BLK: variants seen among roughly 807,000 people sequenced by gnomAD.
BLK encodes BLK proto-oncogene, Src family tyrosine kinase.
BLK carries 64 observed loss-of-function variants against 61.8 expected under a neutral mutation model. The ratio of observed to expected loss-of-function variants is 1.03; its 90% CI spans 0.85 to 1.27. The LOEUF (loss-of-function observed/expected upper bound fraction) is 1.27. BLK is among the 50% of genes most tolerant of loss of function. The pLI, the probability that BLK is intolerant of heterozygous loss-of-function variation, is 0.00. For missense variants in BLK, 853 were observed against 660.5 expected, an observed-to-expected ratio of 1.29 and a Z score of -3.19; for synonymous variants, 351 against 272.0, an observed-to-expected ratio of 1.29 and a Z score of -2.86.
chr8:11,554,895 A>AG lies in BLK; in HGVS notation c.619+11dup. The AG allele has an allele frequency of 6.2e-7, 1 of 1,612,194 alleles. No individual in the cohort carries two copies. Among genetic ancestry groups the AG allele is most frequent in the Non-Finnish European group, 8.5e-7 (1 of 1,179,936 alleles). ...CCTGGTGCAGCACTATTCTAGTAAGAGGGGGCGTGCAATGGGGGCAGGGAC... is the reference window on the plus strand; with the variant it reads ...CCTGGTGCAGCACTATTCTAGTAAGAGGGGGGCGTGCAATGGGGGCAGGGAC... On this transcript the variant is annotated splice_region_variant and intron_variant, in intron 7 of 12. Transcript: ENST00000259089.
At chr8:11,530,806 T>C (rs901004783) in intron 1 of BLK, among the ~76,000 whole-genome samples, 1 of 152,248 alleles carries the variant, frequency 6.6e-6, no homozygotes, top group African/African-American at 2.4e-5. Flanking sequence ...AGCTAATTAA[T>C]ATGAGTAACA....
chr8:11,560,208 T>C (rs1801437472), intron 10 of BLK: 1 of 118,718 alleles, frequency 8.4e-6, no homozygotes, highest in Non-Finnish European at 1.6e-5. Flanking sequence ...GATGGATGGA[T>C]GGATGGATGC....
intron 2 of BLK, 131 bp from the exon 3 acceptor site, chr8:11,545,921 C>A (rs1243380705): frequency 1.1e-5 from 10 of 941,846 alleles, no homozygotes; most frequent in African/African-American, 3.2e-5. Flanking sequence ...GCAGCCCCCA[C>A]AGGCAGCTGC....
chr8:11,508,796 G>A (rs1019349187), intron 1 of BLK, among the ~76,000 whole-genome samples: 3 of 152,188 alleles, frequency 2.0e-5, no homozygotes, highest in Admixed American at 1.3e-4. Flanking sequence ...GATGGGGGCC[G>A]GTCCTGCCCT....
intron 1 of BLK, among the ~76,000 whole-genome samples, chr8:11,503,532 C>G (rs567057836): frequency 6.6e-6 from 1 of 152,174 alleles, no homozygotes; most frequent in Admixed American, 6.5e-5. Flanking sequence ...AAGCCTTATA[C>G]AGGGTGACCC....
intron 5 of BLK, 84 bp downstream of exon 5, chr8:11,549,206 G>A (rs2117490520): frequency 7.8e-6 from 10 of 1,277,414 alleles, no homozygotes; most frequent in Non-Finnish European, 1.1e-5. Context: ...CAGGGCCAGA[G>A]TGGGACTGAC....
At chr8:11,497,162 G>A (rs556738001) in intron 1 of BLK, among the ~76,000 whole-genome samples, 4 of 152,186 alleles carry the variant, frequency 2.6e-5, no homozygotes, top group Admixed American at 6.5e-5. Flanking sequence ...AAGACAGCAC[G>A]TAGATGGAAA....
At chr8:11,533,227 C>A (rs1310426062) in intron 1 of BLK, among the ~76,000 whole-genome samples, 1 of 152,170 alleles carries the variant, frequency 6.6e-6, no homozygotes, top group Non-Finnish European at 1.5e-5. Flanking sequence ...ATGTTAAAGG[C>A]CTGAGACCTT....
chr8:11,509,123 C>G (rs1040999739), intron 1 of BLK: 1 of 152,068 alleles, frequency 6.6e-6, no homozygotes, highest in Non-Finnish European at 1.5e-5. Flanking sequence ...GGCTGCCTAA[C>G]TGTTGAAGCT....
intron 6 of BLK, among the ~76,000 whole-genome samples, chr8:11,550,851 G>A (rs1357550794): frequency 1.3e-5 from 2 of 152,166 alleles, no homozygotes; most frequent in African/African-American, 2.4e-5. Context: ...TTTTTTTGGT[G>A]TAAAATATAA....
At position 11,562,966 on chromosome 8, in the gene BLK, G is replaced by C. The variant is rs752649614; in HGVS notation, c.1181-13G>C. The C allele has an allele frequency of 1.2e-6, 2 of 1,613,958 alleles. No homozygotes were observed. Among genetic ancestry groups the C allele is most frequent in the Non-Finnish European group, 1.7e-6 (2 of 1,179,968 alleles). ...GCCGTGGCCTCCCAAAGCTTGCATG[G>C]CTTTTCCCACAGGGGCCAAGTTCCC... On this transcript the variant is annotated splice_polypyrimidine_tract_variant and intron_variant, in intron 11 of 12. Transcript: ENST00000259089.
At chr8:11,547,739 C>T (rs181680814) in intron 3 of BLK, among the ~76,000 whole-genome samples, 377 of 152,108 alleles carry the variant, frequency 2.5e-3, no homozygotes, top group African/African-American at 7.8e-3. Flanking sequence ...ACCAGCAGCC[C>T]GGCAGTGGCT....
chr8:11,561,022 C>G (rs1272915102), intron 10 of BLK: 1 of 623,888 alleles, frequency 1.6e-6, no homozygotes, highest in Non-Finnish European at 3.0e-6. Context: ...TATCTTCCAT[C>G]TCTGCAGACC....
chr8:11,554,422 C>T (rs530690676), intron 6 of BLK, among the ~76,000 whole-genome samples: 1 of 152,090 alleles, frequency 6.6e-6, no homozygotes, highest in East Asian at 1.9e-4. Flanking sequence ...ACAAAGGGTC[C>T]CCGAGTGACC....
chr8:11,548,010 A>G (rs763002345), intron 3 of BLK, 22 bp from the exon 4 acceptor site: 1 of 1,608,704 alleles, frequency 6.2e-7, no homozygotes, highest in Non-Finnish European at 8.5e-7. Flanking sequence ...AGTGGTGGTC[A>G]TCTCTCCCTT....
intron 1 of BLK, among the ~76,000 whole-genome samples, chr8:11,503,570 C>G (rs1224781651): frequency 6.6e-6 from 1 of 152,134 alleles, no homozygotes; most frequent in Non-Finnish European, 1.5e-5. Flanking sequence ...GCCACCAGGT[C>G]AGTGTGAGCA....
At chr8:11,529,828 T>C (rs1799816349) in intron 1 of BLK, among the ~76,000 whole-genome samples, 1 of 152,164 alleles carries the variant, frequency 6.6e-6, no homozygotes, top group Non-Finnish European at 1.5e-5. Flanking sequence ...ACTGTCTCAG[T>C]TGTAATTTTG....
chr8:11,504,979 CACAGACACATAGAT>C (rs1296758368), intron 1 of BLK, among the ~76,000 whole-genome samples: 3 of 152,122 alleles, frequency 2.0e-5, no homozygotes, highest in Non-Finnish European at 4.4e-5. Context: ...CATACATGCA[CACAGACACATAGAT>C]ACAGACACAT....
intron 1 of BLK, among the ~76,000 whole-genome samples, chr8:11,499,459 G>C (rs950202131): frequency 2.0e-5 from 3 of 152,252 alleles, no homozygotes; most frequent in Non-Finnish European, 4.4e-5. Flanking sequence ...GGATCTCACA[G>C]TGCTTGAGAT....
Sources: gnomAD v4.1 joint callset for allele counts (sites outside exome capture counted in the v4.1 genomes callset) on GRCh38, gnomAD v4.1.1 for gene constraint, MANE v1.5 for transcripts, NCBI Gene and HGNC (gene_info 2026-07-23, HGNC 2026-07-21) for gene names.